The following UFSP2 variants were observed in gnomAD, a reference collection of about 807,000 sequenced individuals.
UFSP2 encodes ufm1-specific protease 2.
Under a neutral mutation model 60.2 loss-of-function variants are expected in UFSP2, and 43 were observed. The observed-to-expected ratio is 0.71, with a 90% confidence interval of 0.56 to 0.92. The LOEUF is 0.92. Among genes scored for constraint, UFSP2 ranks in the 40% least tolerant of loss-of-function variants. The pLI is 0.00. For missense variants in UFSP2, 520 were observed against 575.0 expected, an observed-to-expected ratio of 0.90 and a Z score of 0.98; for synonymous variants, 183 against 195.1, an observed-to-expected ratio of 0.94 and a Z score of 0.52.
At chr4:185,400,607 T>G (rs542776845) in intron 11 of UFSP2, 129 bp from the exon 12 acceptor site, 1 of 568,008 alleles carries the variant, frequency 1.8e-6, no homozygotes, top group African/African-American at 1.9e-5. Context: ...ATTCAAGGAT[T>G]TGAATTCCTA....
chr4:185,412,806 G>A (rs1311081184), intron 7 of UFSP2, among the ~76,000 whole-genome samples: 1 of 152,104 alleles, frequency 6.6e-6, no homozygotes, highest in Non-Finnish European at 1.5e-5. Context: ...TCACAGGGCT[G>A]CTGTTTCTAA....
chr4:185,403,693 G>A, intron 10 of UFSP2, 75 bp from the exon 11 acceptor site: 1 of 1,542,440 alleles, frequency 6.5e-7, no homozygotes, highest in African/African-American at 1.4e-5. Flanking sequence ...TAAATAGACA[G>A]ATTACGGCCG....
chr4:185,415,377 CAA>C (rs1257794205), intron 5 of UFSP2, 30 bp from the exon 6 acceptor site: 3 of 1,515,434 alleles, frequency 2.0e-6, no homozygotes, highest in Middle Eastern at 2.0e-4. Context: ...AGTGTATTAA[CAA>C]AAGTTATAGT....
rs539007738 is a variant in UFSP2, at chr4:185,403,919, C to T, written c.1199-301G>A. On this transcript the variant is annotated intron_variant, in intron 10 of 11. Coordinates refer to ENST00000264689, the MANE Select transcript of UFSP2 (RefSeq NM_018359.5). ...CTGGGAGACGGAGCTTGCACTGAGC[C>T]GAGATCATGCCACCGCACTCCAGCC... Among the ~76,000 whole-genome samples, 878 of 135,352 alleles carry T rather than the reference C, an allele frequency of 6.5e-3. 3 individuals are homozygous for T. Among genetic ancestry groups the T allele is most frequent in the Non-Finnish European group, 0.01 (676 of 65,446 alleles). The allele number at this position is 135,352 out of a possible 152,430, so 88.8% of individuals were successfully genotyped here. A position where few individuals can be genotyped will look rare whatever the true frequency, so the allele number is the denominator to read the frequency against.
At chr4:185,413,678 A>G (rs768525713) in intron 7 of UFSP2, 48 bp downstream of exon 7, 6 of 1,549,034 alleles carry the variant, frequency 3.9e-6, no homozygotes, top group Non-Finnish European at 5.2e-6. Context: ...AAAACAACTA[A>G]TAACATTACT....
rs764364964 is a variant in UFSP2, at chr4:185,400,811, A to G, written c.1324-333T>C. Among the ~76,000 whole-genome samples, 6 of 152,214 alleles carry G rather than the reference A, an allele frequency of 3.9e-5. No individual in the cohort carries two copies. The South Asian group carries it at 8.3e-4, about 21-fold the overall frequency. On this transcript the variant is annotated intron_variant, in intron 11 of 11. Coordinates refer to ENST00000264689, the MANE Select transcript of UFSP2 (RefSeq NM_018359.5). Reference sequence around the variant, plus strand: ...ATAGCATGTGACAATTGAACTAGCAATCTGTTTTTCTTAATAGTCCATAAA... The same window carrying G: ...ATAGCATGTGACAATTGAACTAGCAGTCTGTTTTTCTTAATAGTCCATAAA...
At position 185,410,647 on chromosome 4, in the gene UFSP2, C is replaced by CA. The variant is rs1205459370; in HGVS notation, c.832-2213dup. Among the ~76,000 whole-genome samples the CA allele has an allele frequency of 5.4e-5, 8 of 147,184 alleles. No homozygotes were observed. The East Asian group carries it at 6.0e-4, about 11-fold the overall frequency. On this transcript the variant is annotated intron_variant, in intron 7 of 11. Transcript: ENST00000264689. ...TGGGCAACCGAGCAAGACTCCATCTCAAAAAAAAGAAAGATTAGGCCGGGC... is the reference window on the plus strand; with the variant it reads ...TGGGCAACCGAGCAAGACTCCATCTCAAAAAAAAAGAAAGATTAGGCCGGGC...
At chr4:185,400,820 T>G (rs1447749472) in intron 11 of UFSP2, among the ~76,000 whole-genome samples, 1 of 152,250 alleles carries the variant, frequency 6.6e-6, no homozygotes, top group Admixed American at 6.5e-5. Flanking sequence ...AATCTGTTTT[T>G]CTTAATAGTC....
At chr4:185,417,772 G>A (rs928679470) in intron 4 of UFSP2, among the ~76,000 whole-genome samples, 2 of 152,104 alleles carry the variant, frequency 1.3e-5, no homozygotes, top group East Asian at 1.9e-4. Flanking sequence ...AGCCGGGCGC[G>A]GTGGCTCACA....
At chr4:185,413,705 T>A (rs764982433) in intron 7 of UFSP2, 21 bp downstream of exon 7, 5 of 1,595,118 alleles carry the variant, frequency 3.1e-6, no homozygotes, top group African/African-American at 1.4e-5. Flanking sequence ...GTGACTCCCA[T>A]AAATAATTAG....
intron 2 of UFSP2, among the ~76,000 whole-genome samples, chr4:185,420,090 G>T (rs1327304054): frequency 3.9e-5 from 6 of 152,052 alleles, no homozygotes; most frequent in Non-Finnish European, 7.4e-5. Flanking sequence ...TAAAACTATT[G>T]AGTGAAATTT....
At chr4:185,411,906 A>G (rs1201782114) in intron 7 of UFSP2, among the ~76,000 whole-genome samples, 1 of 152,240 alleles carries the variant, frequency 6.6e-6, no homozygotes, top group African/African-American at 2.4e-5. Flanking sequence ...ACTCAGAACT[A>G]TGCAATACTA....
In UFSP2 at chr4:185,399,662, T is replaced by C; in HGVS notation, c.*730A>G. On this transcript the variant is annotated 3_prime_UTR_variant, in exon 12 of 12. Coordinates refer to ENST00000264689, the MANE Select transcript of UFSP2 (RefSeq NM_018359.5). Reference sequence around the variant, plus strand: ...AAGTTTCTTACAACAATTAAATGTATGCAGACAATAAAAGCAAGTGAACAC... The same window carrying C: ...AAGTTTCTTACAACAATTAAATGTACGCAGACAATAAAAGCAAGTGAACAC... 4 of 1,614,204 alleles carry C rather than the reference T, an allele frequency of 2.5e-6. No individual in the cohort carries two copies. The highest frequency in any genetic ancestry group is 1.1e-5 in the South Asian group (1 of 91,082).
At chr4:185,413,926 C>G (rs2095533982) in intron 6 of UFSP2, 54 bp from the exon 7 acceptor site, 1 of 1,463,152 alleles carries the variant, frequency 6.8e-7, no homozygotes, top group Non-Finnish European at 9.2e-7. Context: ...ATTTAGATTC[C>G]TAGTCAATAA....
intron 2 of UFSP2, among the ~76,000 whole-genome samples, chr4:185,419,224 C>T (rs1354970895): frequency 2.6e-5 from 4 of 152,048 alleles, no homozygotes; most frequent in East Asian, 1.9e-4. Context: ...CTCCGCCTCC[C>T]GGGTTCACGC....
chr4:185,425,103 G>A (rs1433839933), intron 1 of UFSP2, among the ~76,000 whole-genome samples: 1 of 152,224 alleles, frequency 6.6e-6, no homozygotes, highest in African/African-American at 2.4e-5. Context: ...ACAACAGACA[G>A]ACATTTAGAA....
rs1001557305 is a variant in UFSP2, at chr4:185,403,544, G to A, written c.1273C>T (p.Leu425=). 1 of 1,614,110 alleles carries A rather than the reference G, an allele frequency of 6.2e-7. No individual in the cohort carries two copies. Among genetic ancestry groups the A allele is most frequent in the East Asian group, 2.2e-5 (1 of 44,884 alleles). The part of the protein sequence containing the change: ...EITGQIKFLI[L]DPHYTGAEDL... ...TCAGCACCGGTATAATGTGGATCTA[G>A]AATCAGAAACTTTATCTGCCCTGTA... Residue 425 remains leucine, a synonymous_variant, in exon 11 of 12, where the codon CTA becomes TTA. Transcript: ENST00000264689.
chr4:185,402,197 G>T, intron 11 of UFSP2: 1 of 423,744 alleles, frequency 2.4e-6, no homozygotes, highest in South Asian at 1.7e-5. Flanking sequence ...TAATACTAGT[G>T]CTTAGGACAG....
intron 6 of UFSP2, 39 bp from the exon 7 acceptor site, chr4:185,413,911 T>C (rs764169029): frequency 1.3e-6 from 2 of 1,544,104 alleles, no homozygotes; most frequent in Non-Finnish European, 1.7e-6. Flanking sequence ...GAAAAAATGT[T>C]GGTGATTTAG....
Sources: allele counts gnomAD v4.1 joint callset (sites outside exome capture counted in the v4.1 genomes callset), GRCh38; gene constraint gnomAD v4.1.1; transcripts MANE v1.5; gene names NCBI Gene and HGNC (gene_info 2026-07-23, HGNC 2026-07-21).